SLMAP: variants seen among roughly 807,000 people sequenced by gnomAD.
SLMAP encodes sarcolemmal membrane-associated protein.
In SLMAP, 44 loss-of-function variants were observed where a neutral mutation model predicts 128.8. The ratio of observed to expected loss-of-function variants is 0.34; its 90% CI spans 0.27 to 0.44. SLMAP has a LOEUF of 0.44. Ranked by LOEUF, SLMAP falls within the 20% of genes least tolerant of loss-of-function variation. SLMAP has a pLI of 1.00. For missense variants in SLMAP, 787 were observed against 985.3 expected, an observed-to-expected ratio of 0.80 and a Z score of 2.69; for synonymous variants, 327 against 348.8, an observed-to-expected ratio of 0.94 and a Z score of 0.70.
intron 2 of SLMAP, among the ~76,000 whole-genome samples, chr3:57,768,676 C>T (rs552107588): frequency 6.6e-6 from 1 of 152,286 alleles, no homozygotes; most frequent in East Asian, 1.9e-4. Context: ...ACTTGACCAA[C>T]TTTTGGTCAA....
intron 22 of SLMAP, chr3:57,918,483 T>C (rs936553354): frequency 1.3e-5 from 2 of 152,246 alleles, no homozygotes; most frequent in Non-Finnish European, 2.9e-5. Context: ...TTTAAAAATA[T>C]GTCTGATCTT....
chr3:57,846,302 C>T (rs372381833), intron 4 of SLMAP, among the ~76,000 whole-genome samples: 1 of 152,130 alleles, frequency 6.6e-6, no homozygotes, highest in Admixed American at 6.6e-5. Flanking sequence ...GCAACTGGTA[C>T]CAATTAATGC....
chr3:57,834,242 A>G (rs2093506754), intron 3 of SLMAP, among the ~76,000 whole-genome samples: 2 of 152,210 alleles, frequency 1.3e-5, no homozygotes, highest in Admixed American at 1.3e-4. Flanking sequence ...AAGGAGAAAT[A>G]AAAGCAGAAA....
intron 2 of SLMAP, among the ~76,000 whole-genome samples, chr3:57,776,247 T>G (rs2081909821): frequency 6.6e-6 from 1 of 152,322 alleles, no homozygotes; most frequent in South Asian, 2.1e-4. Context: ...AAATGAAAAT[T>G]TATATAATGT....
chr3:57,883,657 G>A (rs1374743021), intron 14 of SLMAP, among the ~76,000 whole-genome samples: 1 of 152,084 alleles, frequency 6.6e-6, no homozygotes, highest in African/African-American at 2.4e-5. Flanking sequence ...AAGAGAATGG[G>A]AGAGAAGACT....
At chr3:57,768,287 T>C (rs988756993) in intron 2 of SLMAP, among the ~76,000 whole-genome samples, 2 of 152,236 alleles carry the variant, frequency 1.3e-5, no homozygotes, top group Non-Finnish European at 2.9e-5. Context: ...ATTTTCTCAA[T>C]ATTTTCAGGC....
chr3:57,873,430 G>A (rs111495175), intron 14 of SLMAP, among the ~76,000 whole-genome samples: 2 of 152,204 alleles, frequency 1.3e-5, no homozygotes, highest in African/African-American at 4.8e-5. Flanking sequence ...TTGAACCTGG[G>A]AGGCAGAGGT....
At chr3:57,925,376 C>T (rs1244366388) in intron 23 of SLMAP, among the ~76,000 whole-genome samples, 1 of 149,930 alleles carries the variant, frequency 6.7e-6, no homozygotes, top group East Asian at 2.0e-4. Flanking sequence ...TGTCACCCAG[C>T]TTGGAGTGCA....
chr3:57,783,904 C>T (rs2083547545), intron 2 of SLMAP, among the ~76,000 whole-genome samples: 1 of 152,160 alleles, frequency 6.6e-6, no homozygotes, highest in Non-Finnish European at 1.5e-5. Flanking sequence ...TCCCTGCATT[C>T]TGTTGCAACA....
At chr3:57,788,837 G>C (rs1477454052) in intron 2 of SLMAP, among the ~76,000 whole-genome samples, 1 of 152,182 alleles carries the variant, frequency 6.6e-6, no homozygotes, top group African/African-American at 2.4e-5. Context: ...CTCGCCGGCA[G>C]TTGGTTAAGA....
intron 22 of SLMAP, among the ~76,000 whole-genome samples, chr3:57,922,425 C>CTTTTTT (rs72397483): frequency 8.8e-5 from 11 of 124,994 alleles, no homozygotes; most frequent in East Asian, 2.4e-4. Context: ...AAAGGCTTTT[C>CTTTTTT]TTTTTTTTTT....
chr3:57,783,799 A>G (rs1156991922), intron 2 of SLMAP, among the ~76,000 whole-genome samples: 1 of 152,202 alleles, frequency 6.6e-6, no homozygotes, highest in Non-Finnish European at 1.5e-5. Flanking sequence ...TCACGGGTGC[A>G]GACCTCTAGG....
chr3:57,799,383 G>A (rs1415041585), intron 2 of SLMAP, among the ~76,000 whole-genome samples: 2 of 152,164 alleles, frequency 1.3e-5, no homozygotes, highest in Non-Finnish European at 2.9e-5. Context: ...ATTTTAGGAT[G>A]TTGTTTGCCT....
chr3:57,800,390 C>T (rs2087946587), intron 2 of SLMAP: 1 of 152,258 alleles, frequency 6.6e-6, no homozygotes, highest in Non-Finnish European at 1.5e-5. Flanking sequence ...GAACTCCTGA[C>T]CTCAGGTGAT....
chr3:57,834,581 A>G (rs2153553765), intron 3 of SLMAP, among the ~76,000 whole-genome samples: 1 of 152,264 alleles, frequency 6.6e-6, no homozygotes, highest in South Asian at 2.1e-4. Flanking sequence ...GAGACTAAAA[A>G]GTTATTAAAG....
At chr3:57,825,824 AG>A (rs913058009) in intron 2 of SLMAP, among the ~76,000 whole-genome samples, 2 of 152,034 alleles carry the variant, frequency 1.3e-5, no homozygotes, top group African/African-American at 4.8e-5. Context: ...TGTGCTGGAG[AG>A]GGGGATGGGA....
intron 23 of SLMAP, 116 bp from the exon 24 acceptor site, chr3:57,925,729 G>A (rs113890904): frequency 1.4e-6 from 1 of 698,794 alleles, no homozygotes; most frequent in East Asian, 2.7e-5. Context: ...AACCTGAGTG[G>A]TATACTTCTA....
At chr3:57,823,122 GA>G (rs940581088) in intron 2 of SLMAP, among the ~76,000 whole-genome samples, 4 of 152,084 alleles carry the variant, frequency 2.6e-5, no homozygotes, top group Non-Finnish European at 5.9e-5. Context: ...TTGCTGGGGG[GA>G]AAAATGGACA....
intron 14 of SLMAP, among the ~76,000 whole-genome samples, chr3:57,879,173 T>A (rs1187279595): frequency 6.6e-6 from 1 of 152,242 alleles, no homozygotes; most frequent in African/African-American, 2.4e-5. Flanking sequence ...TGAACTTCTT[T>A]TGAGTGTATT....
Sources: allele counts gnomAD v4.1 joint callset (sites outside exome capture counted in the v4.1 genomes callset), GRCh38; gene constraint gnomAD v4.1.1; transcripts MANE v1.5; gene names NCBI Gene and HGNC (gene_info 2026-07-23, HGNC 2026-07-21).